Variants in LY86 observed in about 807,000 individuals in gnomAD.
LY86 encodes MD-1, RP105-associated.
In LY86, 20 loss-of-function variants were observed where a neutral mutation model predicts 17.3. The observed-to-expected ratio is 1.15, with a 90% CI of 0.81 to 1.68. The LOEUF (loss-of-function observed/expected upper bound fraction) is 1.68, where lower values mean the gene tolerates loss of function less well. Among genes scored for constraint, LY86 ranks in the 40% most tolerant of loss-of-function variants. The pLI, the probability that LY86 is intolerant of heterozygous loss-of-function variation, is 0.00. For synonymous variants in LY86, 74 were observed against 70.6 expected, an observed-to-expected ratio of 1.05 and a Z score of -0.24; for missense variants, 200 against 191.9, an observed-to-expected ratio of 1.04 and a Z score of -0.25.
chr6:6,605,324 G>C (rs1026417090), intron 1 of LY86, among the ~76,000 whole-genome samples: 3 of 152,222 alleles, frequency 2.0e-5, no homozygotes, highest in Non-Finnish European at 4.4e-5. Context: ...GTTTAGTTGG[G>C]GGTCTCTGGG....
At chr6:6,596,908 CAA>C (rs1318369752) in intron 1 of LY86, among the ~76,000 whole-genome samples, 2 of 152,184 alleles carry the variant, frequency 1.3e-5, no homozygotes, top group East Asian at 3.8e-4. Flanking sequence ...GGAAAAAAGC[CAA>C]GAGTCTGTAG....
At chr6:6,605,409 A>T (rs1450035597) in intron 1 of LY86, among the ~76,000 whole-genome samples, 1 of 152,190 alleles carries the variant, frequency 6.6e-6, no homozygotes, top group Admixed American at 6.5e-5. Context: ...AGTACATCGC[A>T]ATGAACAGAC....
intron 1 of LY86, among the ~76,000 whole-genome samples, chr6:6,613,568 C>CCGGGAACT (rs1761460892): frequency 6.6e-6 from 1 of 152,226 alleles, no homozygotes; most frequent in Non-Finnish European, 1.5e-5. Flanking sequence ...CCCACGCCCA[C>CCGGGAACT]CGGGAACTCG....
At chr6:6,648,785 A>C (rs1471146194) in intron 3 of LY86, among the ~76,000 whole-genome samples, 5 of 151,514 alleles carry the variant, frequency 3.3e-5, no homozygotes, top group Non-Finnish European at 5.9e-5. Context: ...AAAAACAAGG[A>C]AACTGAGCCC....
chr6:6,603,593 AAAACAG>A (rs780689563), intron 1 of LY86, among the ~76,000 whole-genome samples: 1 of 90,372 alleles, frequency 1.1e-5, no homozygotes, highest in African/African-American at 3.2e-5. Flanking sequence ...GCCAAAAACA[AAAACAG>A]AAACAGAAAA....
chr6:6,649,450 A>G (rs2113165497), intron 3 of LY86, among the ~76,000 whole-genome samples, 175 bp from the exon 4 acceptor site: 1 of 152,354 alleles, frequency 6.6e-6, no homozygotes, highest in Non-Finnish European at 1.5e-5. Context: ...TGTGGCATGA[A>G]TGAATAAGTG....
At chr6:6,650,873 C>T (rs1762177519) in intron 4 of LY86, among the ~76,000 whole-genome samples, 1 of 152,040 alleles carries the variant, frequency 6.6e-6, no homozygotes, top group Non-Finnish European at 1.5e-5. Flanking sequence ...TATACTCTCC[C>T]TCTCATCCTC....
intron 1 of LY86, 94 bp downstream of exon 1, chr6:6,588,964 G>GA: frequency 6.8e-7 from 1 of 1,481,426 alleles, no homozygotes; most frequent in Non-Finnish European, 9.1e-7. Context: ...GGGTGGGAGG[G>GA]GAGAGGGGAC....
chr6:6,607,266 C>T (rs1408690726), intron 1 of LY86, among the ~76,000 whole-genome samples: 1 of 152,172 alleles, frequency 6.6e-6, no homozygotes, highest in Non-Finnish European at 1.5e-5. Context: ...ATACTGAAGA[C>T]TTCCAAACTG....
At chr6:6,636,386 C>T (rs746304669) in intron 3 of LY86, among the ~76,000 whole-genome samples, 2 of 152,198 alleles carry the variant, frequency 1.3e-5, no homozygotes, top group Non-Finnish European at 2.9e-5. Context: ...CATAGAATGG[C>T]GTTCTGCACA....
intron 1 of LY86, among the ~76,000 whole-genome samples, chr6:6,613,429 C>G (rs1007218389): frequency 6.6e-6 from 1 of 152,234 alleles, no homozygotes; most frequent in Non-Finnish European, 1.5e-5. Context: ...GTCCTGAGCC[C>G]TGCCGCGCCG....
At chr6:6,651,612 T>C (rs1008050629) in intron 4 of LY86, among the ~76,000 whole-genome samples, 1 of 152,256 alleles carries the variant, frequency 6.6e-6, no homozygotes, top group Non-Finnish European at 1.5e-5. Flanking sequence ...ATTGTTCTTC[T>C]GACCCTCCTC....
intron 3 of LY86, among the ~76,000 whole-genome samples, chr6:6,643,282 A>G (rs1762065235): frequency 6.6e-6 from 1 of 152,240 alleles, no homozygotes; most frequent in Admixed American, 6.5e-5. Flanking sequence ...ACAGCGACAG[A>G]TGAATGGATA....
At chr6:6,630,827 T>G (rs1361600954) in intron 3 of LY86, among the ~76,000 whole-genome samples, 1 of 152,304 alleles carries the variant, frequency 6.6e-6, no homozygotes, top group African/African-American at 2.4e-5. Context: ...TGAATAGAGA[T>G]GTGCTGTAAG....
At chr6:6,648,594 T>C (rs1164471669) in intron 3 of LY86, among the ~76,000 whole-genome samples, 1 of 152,184 alleles carries the variant, frequency 6.6e-6, no homozygotes, top group African/African-American at 2.4e-5. Context: ...TACAGACGCC[T>C]CCATGACCTG....
At chr6:6,606,956 G>A (rs1486262511) in intron 1 of LY86, among the ~76,000 whole-genome samples, 2 of 152,262 alleles carry the variant, frequency 1.3e-5, no homozygotes, top group African/African-American at 4.8e-5. Context: ...GCGAGTGAGG[G>A]CTGTGAGGGC....
intron 1 of LY86, chr6:6,622,617 C>G (rs1732449331): frequency 6.6e-6 from 1 of 152,180 alleles, no homozygotes; most frequent in Non-Finnish European, 1.5e-5. Context: ...TTTGATCAAA[C>G]AAAAGTGTAC....
chr6:6,600,202 G>A (rs901849895), intron 1 of LY86, among the ~76,000 whole-genome samples: 1 of 151,456 alleles, frequency 6.6e-6, no homozygotes, highest in African/African-American at 2.4e-5. Context: ...GCTTGTTTAG[G>A]GTAAGGGCTG....
At chr6:6,643,262 T>C (rs1348130380) in intron 3 of LY86, among the ~76,000 whole-genome samples, 3 of 152,172 alleles carry the variant, frequency 2.0e-5, no homozygotes, top group Non-Finnish European at 4.4e-5. Context: ...GTAGCCAAGA[T>C]GTAAAAACAA....
Sources: gnomAD v4.1 joint callset for allele counts (sites outside exome capture counted in the v4.1 genomes callset) on GRCh38, gnomAD v4.1.1 for gene constraint, MANE v1.5 for transcripts, NCBI Gene and HGNC (gene_info 2026-07-23, HGNC 2026-07-21) for gene names.